The following BMPR1A variants were observed in gnomAD, a reference collection of about 807,000 sequenced individuals.
BMPR1A encodes the protein bone morphogenetic protein receptor type 1A.
Under a neutral mutation model 66.0 loss-of-function variants are expected in BMPR1A, and 7 were observed. That is an observed-to-expected ratio of 0.11 (90% CI 0.06 to 0.20). The LOEUF is 0.20. Ranked by LOEUF, BMPR1A falls within the 10% of genes least tolerant of loss-of-function variation. The pLI, the probability that BMPR1A is intolerant of heterozygous loss-of-function variation, is 1.00. For synonymous variants in BMPR1A, 200 were observed against 229.7 expected (o/e 0.87, Z 1.17); for missense variants, 408 against 669.1 (o/e 0.61, Z 4.31).
chr10:86,768,240 G>A lies in BMPR1A; in HGVS notation c.-268+11321G>A, dbSNP rs565871377. On this transcript the variant is annotated intron_variant, in intron 1 of 12. Coordinates refer to ENST00000372037, the MANE Select transcript of BMPR1A (RefSeq NM_004329.3). ...GGGCAAGGGATAATAATAAAGTAACGTTTTTCTAAGAATAAATATAAATAT... is the reference window on the plus strand; with the variant it reads ...GGGCAAGGGATAATAATAAAGTAACATTTTTCTAAGAATAAATATAAATAT... Among the ~76,000 whole-genome samples, 48 of 152,150 alleles carry A rather than the reference G, an allele frequency of 3.2e-4. 1 individual carries two copies. Among genetic ancestry groups the A allele is most frequent in the South Asian group, 1.2e-3 (6 of 4,824 alleles).
intron 1 of BMPR1A, among the ~76,000 whole-genome samples, chr10:86,807,696 T>C (rs868328355): frequency 6.6e-5 from 10 of 152,248 alleles, no homozygotes; most frequent in Non-Finnish European, 2.9e-5. Flanking sequence ...ATCTTTCTTA[T>C]GTATTCCGTT....
At chr10:86,813,665 G>A (rs1841999016) in intron 1 of BMPR1A, among the ~76,000 whole-genome samples, 1 of 152,092 alleles carries the variant, frequency 6.6e-6, no homozygotes, top group South Asian at 2.1e-4. Context: ...CATTCCCTGT[G>A]CAGTTGTCTT....
chr10:86,766,369 G>T (rs754434868), intron 1 of BMPR1A, among the ~76,000 whole-genome samples: 32 of 152,022 alleles, frequency 2.1e-4, no homozygotes, highest in Non-Finnish European at 3.2e-4. Flanking sequence ...TACCAGTTTC[G>T]TGTTAATGAA....
At chr10:86,757,081 G>C (rs1231413968) in intron 1 of BMPR1A, among the ~76,000 whole-genome samples, 162 bp downstream of exon 1, 1 of 150,906 alleles carries the variant, frequency 6.6e-6, no homozygotes, top group Non-Finnish European at 1.5e-5. Flanking sequence ...GCGCTGGGCC[G>C]GGACCGCCCA....
chr10:86,868,701 G>C (rs1842815066), intron 2 of BMPR1A, among the ~76,000 whole-genome samples: 1 of 152,020 alleles, frequency 6.6e-6, no homozygotes, highest in Non-Finnish European at 1.5e-5. Flanking sequence ...AATCAACGGT[G>C]GGGGGCTTAA....
At chr10:86,912,157 A>G (rs1359117648) in intron 7 of BMPR1A, 83 bp from the exon 8 acceptor site, 1 of 1,429,106 alleles carries the variant, frequency 7.0e-7, no homozygotes, top group East Asian at 2.4e-5. Flanking sequence ...GGGAAGGATA[A>G]TGGTATAGAG....
chr10:86,831,805 C>T (rs1015340538), intron 1 of BMPR1A, among the ~76,000 whole-genome samples: 12 of 152,102 alleles, frequency 7.9e-5, no homozygotes, highest in African/African-American at 2.2e-4. Flanking sequence ...GTACAAGTGT[C>T]TTTTTTGGTG....
chr10:86,755,856 A>G (rs1275155912), upstream of BMPR1A: 2 of 151,882 alleles, frequency 1.3e-5, no homozygotes, highest in African/African-American at 4.8e-5. Context: ...TCCCGAATCG[A>G]TGAGGGAAGC....
chr10:86,766,312 A>G (rs1841161936), intron 1 of BMPR1A, among the ~76,000 whole-genome samples: 2 of 152,256 alleles, frequency 1.3e-5, no homozygotes, highest in East Asian at 3.9e-4. Flanking sequence ...CATTCTTTAT[A>G]GTAGTTAAGC....
chr10:86,835,746 T>A (rs1353001091), intron 1 of BMPR1A, among the ~76,000 whole-genome samples: 1 of 152,030 alleles, frequency 6.6e-6, no homozygotes, highest in Admixed American at 6.6e-5. Flanking sequence ...TCTGCATGGG[T>A]AGTGAGCTTT....
chr10:86,780,798 A>G (rs1241932145), intron 1 of BMPR1A, among the ~76,000 whole-genome samples: 1 of 152,190 alleles, frequency 6.6e-6, no homozygotes, highest in African/African-American at 2.4e-5. Flanking sequence ...AAGGAAAGTC[A>G]AAGGCAGTAC....
intron 2 of BMPR1A, among the ~76,000 whole-genome samples, chr10:86,850,323 A>G (rs979520608): frequency 1.3e-5 from 2 of 152,080 alleles, no homozygotes; most frequent in African/African-American, 4.8e-5. Context: ...CCATTTCAAA[A>G]AAAAAAAAAC....
chr10:86,830,275 A>T (rs1428702973), intron 1 of BMPR1A, among the ~76,000 whole-genome samples: 1 of 152,226 alleles, frequency 6.6e-6, no homozygotes, highest in Non-Finnish European at 1.5e-5. Context: ...GAGGTTTGCT[A>T]ATCTGGCTTA....
chr10:86,772,365 C>T (rs555945036), intron 1 of BMPR1A, among the ~76,000 whole-genome samples: 1 of 151,790 alleles, frequency 6.6e-6, no homozygotes, highest in Non-Finnish European at 1.5e-5. Context: ...CTCCTGACCT[C>T]ATGATCTCCC....
At chr10:86,847,259 C>T (rs1564702114) in intron 2 of BMPR1A, among the ~76,000 whole-genome samples, 1 of 151,922 alleles carries the variant, frequency 6.6e-6, no homozygotes, top group Non-Finnish European at 1.5e-5. Context: ...ATGAGGTTTT[C>T]TCCTCATATT....
In BMPR1A at chr10:86,855,649, C is replaced by G. The variant is rs1050388300; in HGVS notation, c.-153+16670C>G. ...AAGGAAGTTCACATGTGGCAGCTTT[C>G]TCCTGAGTATCTAATTTGCAATTGC... On this transcript the variant is annotated intron_variant, in intron 2 of 12. Transcript: ENST00000372037. 33 of 684,048 alleles carry G rather than the reference C, an allele frequency of 4.8e-5. No homozygotes were observed. In the Admixed American group the frequency reaches 7.0e-4, roughly 15 times the overall value. The allele number at this position is 684,048 out of a possible 1,614,324, so 42.4% of individuals were successfully genotyped here. A position where few individuals can be genotyped will look rare whatever the true frequency, so the allele number is the denominator to read the frequency against.
intron 2 of BMPR1A, among the ~76,000 whole-genome samples, chr10:86,861,379 G>C (rs890171177): frequency 6.6e-6 from 1 of 152,094 alleles, no homozygotes; most frequent in African/African-American, 2.4e-5. Context: ...GGTCATGCTT[G>C]TCAGGGAAGA....
chr10:86,790,007 T>C (rs1841577471), intron 1 of BMPR1A, among the ~76,000 whole-genome samples: 1 of 148,930 alleles, frequency 6.7e-6, no homozygotes. Flanking sequence ...ATACAAAAAA[T>C]TAGCCGGGCG....
At chr10:86,865,804 CATT>C (rs1332570779) in intron 2 of BMPR1A, among the ~76,000 whole-genome samples, 2 of 152,254 alleles carry the variant, frequency 1.3e-5, no homozygotes, top group African/African-American at 4.8e-5. Flanking sequence ...ATATCCCAGA[CATT>C]ATTCCAACCA....
Sources: gnomAD v4.1 joint callset for allele counts (sites outside exome capture counted in the v4.1 genomes callset) on GRCh38, gnomAD v4.1.1 for gene constraint, MANE v1.5 for transcripts, NCBI Gene and HGNC (gene_info 2026-07-23, HGNC 2026-07-21) for gene names.